The following PACC1 variants were observed in gnomAD, a reference collection of about 807,000 sequenced individuals.
The protein encoded by PACC1 is proton-activated chloride channel.
PACC1 carries 34 observed loss-of-function variants against 39.7 expected under a neutral mutation model. The ratio of observed to expected loss-of-function variants is 0.86; its 90% CI spans 0.65 to 1.14. The LOEUF (loss-of-function observed/expected upper bound fraction) is 1.14, where lower values mean the gene tolerates loss of function less well. Among genes scored for constraint, PACC1 ranks in the 50% most tolerant of loss-of-function variants. PACC1 has a pLI of 0.00. For synonymous variants in PACC1, 127 were observed against 160.6 expected (o/e 0.79, Z 1.58); for missense variants, 379 against 436.4 (o/e 0.87, Z 1.17).
chr1:212,390,341 T>C (rs1274204481), intron 2 of PACC1, among the ~76,000 whole-genome samples: 1 of 150,962 alleles, frequency 6.6e-6, no homozygotes, highest in East Asian at 1.9e-4. Flanking sequence ...GAGAATCGCT[T>C]GAACCCGGGA....
intron 2 of PACC1, among the ~76,000 whole-genome samples, chr1:212,398,612 G>A (rs1370170663): frequency 1.3e-5 from 2 of 152,184 alleles, no homozygotes; most frequent in Non-Finnish European, 2.9e-5. Flanking sequence ...AGCCACCAAG[G>A]TCCACAGCAG....
chr1:212,398,414 T>A (rs922318700), intron 2 of PACC1, among the ~76,000 whole-genome samples: 33 of 152,268 alleles, frequency 2.2e-4, no homozygotes, highest in African/African-American at 6.7e-4. Context: ...AACCAGTGAA[T>A]GTTCCTTGCT....
chr1:212,383,085 A>G (rs939076314), intron 4 of PACC1, among the ~76,000 whole-genome samples: 1 of 152,158 alleles, frequency 6.6e-6, no homozygotes, highest in Non-Finnish European at 1.5e-5. Flanking sequence ...AACTTGGTGG[A>G]TAGGGAGGAG....
chr1:212,412,301 C>T lies in PACC1; in HGVS notation c.37-1780G>A, dbSNP rs949263124. On this transcript the variant is annotated intron_variant, in intron 1 of 7. Coordinates refer to ENST00000261455, the MANE Select transcript of PACC1 (RefSeq NM_018252.3). ...TAGTCCTGGGAAATCTCAAAGTTCC[C>T]TGATTCAAGCCTCACTCAGGTTCAC... 4.6e-5 allele frequency among the ~76,000 whole-genome samples: 7 copies of T among 152,258 alleles called. No individual in the cohort carries two copies. The South Asian group carries it at 1.5e-3, about 32-fold the overall frequency.
At chr1:212,403,646 C>T (rs1391628527) in intron 2 of PACC1, among the ~76,000 whole-genome samples, 1 of 152,060 alleles carries the variant, frequency 6.6e-6, no homozygotes, top group African/African-American at 2.4e-5. Flanking sequence ...CTCACTGCAA[C>T]CTCCGCCTCC....
In PACC1 at chr1:212,414,726, TG is replaced by T; in HGVS notation, c.31del (p.Gln11ArgfsTer3). 1 of 1,612,768 alleles carries T rather than the reference TG, an allele frequency of 6.2e-7. No homozygotes were observed. ...CCGTCTCTCACAACCTCGTACCTCC[TG>T]GTAGGATGTGGAGCGCTCCTGCCGG... Reference protein sequence around the residue: MIRQERSTSYQELSEELVQVV... With the variant: MIRQERSTSYXELSEELVQVV... On this transcript the variant is annotated frameshift_variant, in exon 1 of 8. Coordinates refer to ENST00000261455, the MANE Select transcript of PACC1 (RefSeq NM_018252.3). LOFTEE classifies it high-confidence loss of function.
At chr1:212,409,424 A>T (rs1453352153) in intron 2 of PACC1, among the ~76,000 whole-genome samples, 2 of 152,210 alleles carry the variant, frequency 1.3e-5, no homozygotes, top group East Asian at 3.8e-4. Context: ...AATTCCAGGC[A>T]GAGAAATAAA....
At chr1:212,398,769 T>A (rs1030247949) in intron 2 of PACC1, among the ~76,000 whole-genome samples, 3 of 152,234 alleles carry the variant, frequency 2.0e-5, no homozygotes, top group African/African-American at 7.2e-5. Context: ...TCTCTCCATG[T>A]TTCTCTCTTG....
intron 2 of PACC1, among the ~76,000 whole-genome samples, chr1:212,404,395 C>T (rs1190099122): frequency 2.0e-5 from 3 of 151,800 alleles, no homozygotes; most frequent in Admixed American, 6.6e-5. Context: ...CATGAGCCAC[C>T]GCACCCAGCC....
At chr1:212,390,597 G>T (rs1263443627) in intron 2 of PACC1, among the ~76,000 whole-genome samples, 5 of 152,010 alleles carry the variant, frequency 3.3e-5, no homozygotes, top group Non-Finnish European at 5.9e-5. Context: ...AGTGGGTGCA[G>T]GACAGTGGGT....
chr1:212,396,266 G>A (rs753877383), intron 2 of PACC1, among the ~76,000 whole-genome samples: 47 of 152,172 alleles, frequency 3.1e-4, no homozygotes, highest in Non-Finnish European at 5.6e-4. Context: ...CATAAAAAAG[G>A]ATGAGTTCAT....
chr1:212,412,135 C>T (rs1662151126), intron 1 of PACC1, among the ~76,000 whole-genome samples: 1 of 149,854 alleles, frequency 6.7e-6, no homozygotes, highest in Admixed American at 6.6e-5. Context: ...GAGTGAAACT[C>T]AGTCTCAAAA....
intron 2 of PACC1, among the ~76,000 whole-genome samples, chr1:212,403,196 G>C (rs756145942): frequency 6.6e-6 from 1 of 152,176 alleles, no homozygotes; most frequent in Non-Finnish European, 1.5e-5. Flanking sequence ...ATAGACTAAA[G>C]CTTTTAGTGC....
At chr1:212,397,234 T>C (rs909930983) in intron 2 of PACC1, among the ~76,000 whole-genome samples, 1 of 152,090 alleles carries the variant, frequency 6.6e-6, no homozygotes, top group African/African-American at 2.4e-5. Flanking sequence ...GTAAGGTTTA[T>C]AACTTGCAAG....
In PACC1 at chr1:212,386,774, G is replaced by T; in HGVS notation, c.343+117C>A. The T allele has an allele frequency of 2.1e-6, 2 of 947,798 alleles. No individual in the cohort carries two copies. Among genetic ancestry groups the T allele is most frequent in the Non-Finnish European group, 3.3e-6 (2 of 600,228 alleles). The allele number at this position is 947,798 out of a possible 1,614,324, so 58.7% of individuals were successfully genotyped here. Reference sequence around the variant, plus strand: ...TAGACTCTATACCTAGACTATGCTTGGTTGGACTCCTCTGCCCTGCCCGTA... The same window carrying T: ...TAGACTCTATACCTAGACTATGCTTTGTTGGACTCCTCTGCCCTGCCCGTA... On this transcript the variant is annotated intron_variant, in intron 3 of 7. Transcript: ENST00000261455. The surrounding 1 kb of genome is among the most constrained non-coding windows in gnomAD (Gnocchi z 5.0).
chr1:212,397,337 C>A (rs893674074), intron 2 of PACC1, among the ~76,000 whole-genome samples: 1 of 152,144 alleles, frequency 6.6e-6, no homozygotes, highest in Admixed American at 6.5e-5. Flanking sequence ...TCAATAATCA[C>A]ATCAAATGTA....
chr1:212,393,342 T>A (rs1467453787), intron 2 of PACC1, among the ~76,000 whole-genome samples: 37 of 152,296 alleles, frequency 2.4e-4, no homozygotes, highest in Non-Finnish European at 2.9e-5. Context: ...GACTACTGGG[T>A]ACATAAGGAA....
intron 2 of PACC1, among the ~76,000 whole-genome samples, chr1:212,390,053 C>A (rs886157495): frequency 1.7e-4 from 25 of 151,406 alleles, no homozygotes; most frequent in South Asian, 2.1e-4. Flanking sequence ...AAAAAAAAAA[C>A]CAAATGGAGC....
chr1:212,366,848 T>C (rs970596130), intron 7 of PACC1, among the ~76,000 whole-genome samples: 2 of 152,158 alleles, frequency 1.3e-5, no homozygotes, highest in East Asian at 3.8e-4. Flanking sequence ...CCATAATTAA[T>C]AGTGGTAGTG....
Sources: allele counts gnomAD v4.1 joint callset (sites outside exome capture counted in the v4.1 genomes callset), GRCh38; gene constraint gnomAD v4.1.1; non-coding constraint Gnocchi (gnomAD v3.1); transcripts MANE v1.5; gene names NCBI Gene and HGNC (gene_info 2026-07-23, HGNC 2026-07-21).